The following SCFD1 variants were observed in gnomAD, a reference collection of about 807,000 sequenced individuals.
SCFD1 encodes sec1 family domain-containing protein 1.
In SCFD1, 37 loss-of-function variants were observed where a neutral mutation model predicts 103.2. The observed-to-expected ratio is 0.36, with a 90% confidence interval of 0.28 to 0.47. The LOEUF is 0.47. Ranked by LOEUF, SCFD1 falls within the 20% of genes least tolerant of loss-of-function variation. The probability of loss-of-function intolerance (pLI) is 1.00; values close to 1 mark genes in which losing one functional copy is unlikely to be tolerated. For synonymous variants in SCFD1, 264 were observed against 245.0 expected, an observed-to-expected ratio of 1.08 and a Z score of -0.73; for missense variants, 639 against 761.2, an observed-to-expected ratio of 0.84 and a Z score of 1.89.
At chr14:30,649,347 C>G (rs759033338) in intron 7 of SCFD1, among the ~76,000 whole-genome samples, 181 bp from the exon 8 acceptor site, 14 of 151,854 alleles carry the variant, frequency 9.2e-5, no homozygotes, top group Non-Finnish European at 1.6e-4. Flanking sequence ...CTTGTACCCC[C>G]TAAATATATT....
At chr14:30,672,015 A>C (rs1166993323) in intron 11 of SCFD1, among the ~76,000 whole-genome samples, 3 of 118,428 alleles carry the variant, frequency 2.5e-5, no homozygotes, top group Non-Finnish European at 5.0e-5. Context: ...ACTCCATCTT[A>C]AAAAAAAAAA....
At chr14:30,648,921 C>G (rs1049593560) in intron 7 of SCFD1, among the ~76,000 whole-genome samples, 3 of 150,112 alleles carry the variant, frequency 2.0e-5, no homozygotes, top group Admixed American at 1.3e-4. Flanking sequence ...CTAGCCATGA[C>G]TGCACCACTA....
intron 14 of SCFD1, 126 bp from the exon 15 acceptor site, chr14:30,694,647 C>T: frequency 7.6e-7 from 1 of 1,322,368 alleles, no homozygotes. Flanking sequence ...CTGAACTGTA[C>T]TTTTGACCTG....
intron 9 of SCFD1, among the ~76,000 whole-genome samples, chr14:30,652,145 C>T (rs935389703): frequency 6.6e-6 from 1 of 152,132 alleles, no homozygotes; most frequent in African/African-American, 2.4e-5. Context: ...AATCCACTGT[C>T]CTATACCCAG....
chr14:30,705,825 C>G lies in SCFD1; in HGVS notation c.1493C>G (p.Ala498Gly). ...AGTACAACTTCCTTCTTTCATAGGGCTTTTACCAAGATGGCCTCAGCTCCG... is the reference window on the plus strand; with the variant it reads ...AGTACAACTTCCTTCTTTCATAGGGGTTTTACCAAGATGGCCTCAGCTCCG... ...NPLQYIKQWK[A>G]FTKMASAPAS... The change falls in exon 18 of 25, where the codon GCT (alanine) becomes GGT (glycine). Residue 498 changes from alanine (A) to glycine (G), a missense_variant and splice_region_variant. By Grantham distance (60) the Ala-to-Gly change is moderately conservative (BLOSUM62 0). Transcript: ENST00000458591. 1 of 1,613,218 alleles carries G rather than the reference C, an allele frequency of 6.2e-7. No homozygotes were observed. Among genetic ancestry groups the G allele is most frequent in the Non-Finnish European group, 8.5e-7 (1 of 1,179,358 alleles).
intron 23 of SCFD1, 188 bp from the exon 24 acceptor site, chr14:30,734,602 C>T: frequency 1.8e-6 from 1 of 550,750 alleles, no homozygotes; most frequent in Non-Finnish European, 3.3e-6. Context: ...AAATACTATG[C>T]TCATTTCACC....
At chr14:30,680,816 T>C (rs1042197243) in intron 14 of SCFD1, among the ~76,000 whole-genome samples, 1 of 152,156 alleles carries the variant, frequency 6.6e-6, no homozygotes, top group Admixed American at 6.5e-5. Context: ...CTATAGTCTG[T>C]GATTTTTCTT....
chr14:30,715,831 G>A (rs981349814), intron 19 of SCFD1, 93 bp from the exon 20 acceptor site: 9 of 657,548 alleles, frequency 1.4e-5, no homozygotes, highest in African/African-American at 1.3e-4. Flanking sequence ...TAATTGAAAG[G>A]TAAGCATACT....
At chr14:30,700,444 A>G (rs910312173) in intron 16 of SCFD1, among the ~76,000 whole-genome samples, 186 bp downstream of exon 16, 6 of 152,210 alleles carry the variant, frequency 3.9e-5, no homozygotes, top group Non-Finnish European at 7.3e-5. Flanking sequence ...AGGCCGAGGC[A>G]GGCAGATCAC....
intron 14 of SCFD1, among the ~76,000 whole-genome samples, chr14:30,684,018 C>G (rs1889717878): frequency 6.6e-6 from 1 of 152,128 alleles, no homozygotes; most frequent in Non-Finnish European, 1.5e-5. Flanking sequence ...ACAGTAGTGT[C>G]TATAGCTAGA....
rs11623363 is a variant in SCFD1 at position 30,735,367 on chromosome 14, C to T, written c.1906-219C>T. ...CTCCTGGCCTCAAGTGATCCTCCCA[C>T]CTCAGCCTCCCAAATAGCTAGGATT... On this transcript the variant is annotated intron_variant, in intron 24 of 24. Transcript: ENST00000458591. Among the ~76,000 whole-genome samples the T allele has an allele frequency of 9.3e-3, 1,411 of 152,282 alleles. 14 individuals are homozygous for T. The highest frequency in any genetic ancestry group is 0.014 in the Admixed American group (216 of 15,298).
intron 3 of SCFD1, among the ~76,000 whole-genome samples, chr14:30,631,076 G>A (rs1039212410): frequency 3.3e-5 from 5 of 152,226 alleles, no homozygotes; most frequent in African/African-American, 9.6e-5. Context: ...TAATAAAACC[G>A]GGCACGGTGG....
At chr14:30,734,456 A>G (rs903922806) in intron 23 of SCFD1, 20 of 307,456 alleles carry the variant, frequency 6.5e-5, no homozygotes, top group African/African-American at 4.1e-4. Flanking sequence ...TACACATCCT[A>G]CATTGGAAGA....
chr14:30,729,648 A>G (rs1478010793), intron 23 of SCFD1, among the ~76,000 whole-genome samples: 2 of 152,108 alleles, frequency 1.3e-5, no homozygotes, highest in South Asian at 4.1e-4. Context: ...TTTATTGTTT[A>G]GGCTTTTCTG....
chr14:30,694,764 T>C lies in SCFD1; in HGVS notation c.1243-9T>C. 1.3e-6 allele frequency: 2 copies of C among 1,576,330 alleles called. No homozygotes were observed. Among genetic ancestry groups the C allele is most frequent in the South Asian group, 2.4e-5 (2 of 83,682 alleles). ...AATATATTCTCATCTAATGTTTATTTTGAAACAGGCAAGAAAATTGGATGT... is the reference window on the plus strand; with the variant it reads ...AATATATTCTCATCTAATGTTTATTCTGAAACAGGCAAGAAAATTGGATGT... On this transcript the variant is annotated splice_polypyrimidine_tract_variant and intron_variant, in intron 14 of 24. Transcript: ENST00000458591.
At chr14:30,633,249 A>T (rs1386768919) in intron 3 of SCFD1, among the ~76,000 whole-genome samples, 2 of 152,182 alleles carry the variant, frequency 1.3e-5, no homozygotes, top group Non-Finnish European at 1.5e-5. Flanking sequence ...CTCCTTGATT[A>T]TAGAAGGATG....
chr14:30,700,317 A>T, intron 16 of SCFD1, 59 bp downstream of exon 16: 1 of 1,066,208 alleles, frequency 9.4e-7, no homozygotes, highest in Non-Finnish European at 1.4e-6. Context: ...GACTACTACA[A>T]TTCAGATTTT....
intron 14 of SCFD1, among the ~76,000 whole-genome samples, chr14:30,678,730 CCCCCAGTGTTCCCA>C (rs1889238146): frequency 6.6e-6 from 1 of 152,152 alleles, no homozygotes; most frequent in Admixed American, 6.5e-5. Context: ...TGGGTTCTTT[CCCCCAGTGTTCCCA>C]CCTTAGAGGA....
rs776538855 is a variant in SCFD1 at position 30,650,631 on chromosome 14, C to T, written c.736C>T (p.Leu246Phe). The change falls in exon 9 of 25, where the codon CTT becomes TTT. Residue 246 changes from leucine (L) to phenylalanine (F), a missense_variant. By Grantham distance (22) the Leu-to-Phe change is conservative. Transcript: ENST00000458591. The stretch of plus-strand genomic sequence containing the variant: ...AAACAGTCTTTTTACAGGTGATACA[C>T]TTGGAGCTGGCCAATTCAGGTATTA... ...ARNSLFTGDT[L>F]GAGQFSFQRP... 1.9e-6 allele frequency: 3 copies of T among 1,603,140 alleles called. No homozygotes were observed. The South Asian group carries it at 3.3e-5, about 18-fold the overall frequency.
Sources: allele counts gnomAD v4.1 joint callset (sites outside exome capture counted in the v4.1 genomes callset), GRCh38; gene constraint gnomAD v4.1.1; transcripts MANE v1.5; gene names NCBI Gene and HGNC (gene_info 2026-07-23, HGNC 2026-07-21).